The following CCDC82 variants were observed in gnomAD, a reference collection of about 807,000 sequenced individuals.
CCDC82 encodes the protein coiled-coil domain containing 82, also known as coiled-coil domain-containing protein 82.
Under a neutral mutation model 60.6 loss-of-function variants are expected in CCDC82, and 47 were observed. That is an observed-to-expected ratio of 0.77 (90% confidence interval 0.61 to 0.99). The LOEUF (loss-of-function observed/expected upper bound fraction) is 0.99, where lower values mean the gene tolerates loss of function less well. Ranked by LOEUF, CCDC82 falls within the 50% of genes least tolerant of loss-of-function variation. The pLI is 0.00. For missense variants in CCDC82, 588 were observed against 633.0 expected (o/e 0.93, Z 0.76); for synonymous variants, 212 against 207.4 (o/e 1.02, Z -0.19).
chr11:96,374,519 A>G (rs1391352695), intron 5 of CCDC82, among the ~76,000 whole-genome samples: 1 of 152,238 alleles, frequency 6.6e-6, no homozygotes. Flanking sequence ...AAAATAAATG[A>G]CAATAGCAGA....
chr11:96,365,263 A>G (rs1864888080), intron 7 of CCDC82, 113 bp from the exon 8 acceptor site: 4 of 619,800 alleles, frequency 6.5e-6, no homozygotes, highest in Non-Finnish European at 1.1e-5. Flanking sequence ...TATAAGAGCA[A>G]AACACCCTGG....
chr11:96,353,411 T>C lies in CCDC82; in HGVS notation c.*235A>G, dbSNP rs1037335411. On this transcript the variant is annotated 3_prime_UTR_variant, in exon 10 of 10. Coordinates refer to ENST00000646818, the MANE Select transcript of CCDC82 (RefSeq NM_024725.4). ...TTATAAAGCCATTATTATATAACTT[T>C]AAAATATATTTACAGACTTAAAAAT... 2 of 412,642 alleles carry C rather than the reference T, an allele frequency of 4.8e-6. No individual in the cohort carries two copies. The highest frequency in any genetic ancestry group is 4.1e-5 in the African/African-American group (2 of 48,684). 25.6% of individuals were successfully genotyped at this position (412,642 alleles called of 1,614,324 possible).
At chr11:96,387,155 A>G (rs1342864387) in intron 2 of CCDC82, 1 of 152,276 alleles carries the variant, frequency 6.6e-6, no homozygotes, top group Non-Finnish European at 1.5e-5. Flanking sequence ...AACATTTATG[A>G]AAACAATGAC....
At chr11:96,368,865 CAAA>C (rs71040144) in intron 7 of CCDC82, among the ~76,000 whole-genome samples, 1 of 142,300 alleles carries the variant, frequency 7.0e-6, no homozygotes, top group Non-Finnish European at 1.5e-5. Flanking sequence ...GACTCCGTCT[CAAA>C]AAAAAAAAAA....
chr11:96,373,860 G>C (rs949615755), intron 5 of CCDC82, among the ~76,000 whole-genome samples: 2 of 152,204 alleles, frequency 1.3e-5, no homozygotes, highest in Admixed American at 1.3e-4. Context: ...TCTGTAAAAC[G>C]CGTTACATAT....
At chr11:96,383,523 A>C in intron 4 of CCDC82, 50 bp from the exon 5 acceptor site, 1 of 1,157,784 alleles carries the variant, frequency 8.6e-7, no homozygotes. Flanking sequence ...TTAAAACGGT[A>C]AGCATCGATA....
intron 9 of CCDC82, chr11:96,354,650 G>T (rs1864254926): frequency 6.6e-6 from 1 of 152,180 alleles, no homozygotes; most frequent in African/African-American, 2.4e-5. Flanking sequence ...AGAACAAAGT[G>T]TAACAAGTTA....
Position 96,384,721 on chromosome 11 carries a change from T to C in CCDC82, c.27A>G (p.Thr9=). 1.2e-6 allele frequency: 2 copies of C among 1,607,946 alleles called. No individual in the cohort carries two copies. The highest frequency in any genetic ancestry group is 1.7e-6 in the Non-Finnish European group (2 of 1,177,928). Residue 9 remains threonine (T), a synonymous_variant, in exon 4 of 10, where the codon ACA becomes ACG. Transcript: ENST00000646818. MIHVRRHE[T]RRNSKSHVPE... ...GCACGTGACTCTTAGAATTTCTCCT[T>C]GTTTCATGTCTTCTAACATGTATCA...
At chr11:96,378,928 C>G (rs1276851883) in intron 5 of CCDC82, among the ~76,000 whole-genome samples, 1 of 151,966 alleles carries the variant, frequency 6.6e-6, no homozygotes, top group Non-Finnish European at 1.5e-5. Flanking sequence ...TCTCTCAGAG[C>G]CAAATGGCAG....
chr11:96,379,803 T>G (rs1865774482), intron 5 of CCDC82, among the ~76,000 whole-genome samples: 1 of 151,808 alleles, frequency 6.6e-6, no homozygotes. Context: ...AAAAACAAAT[T>G]AGGCTTTATG....
At chr11:96,374,804 C>T (rs1865481578) in intron 5 of CCDC82, among the ~76,000 whole-genome samples, 1 of 152,048 alleles carries the variant, frequency 6.6e-6, no homozygotes, top group South Asian at 2.1e-4. Context: ...ACATTTTAAA[C>T]ATCTCTGCCA....
At position 96,369,438 on chromosome 11, in the gene CCDC82, C is replaced by T. The variant is rs373825170; in HGVS notation, c.1209+1575G>A. Among the ~76,000 whole-genome samples, 15 of 152,216 alleles carry T rather than the reference C, an allele frequency of 9.9e-5. No individual in the cohort carries two copies. In the East Asian group the frequency reaches 1.2e-3, roughly 12 times the overall value. On this transcript the variant is annotated intron_variant, in intron 7 of 9. Coordinates refer to ENST00000646818, the MANE Select transcript of CCDC82 (RefSeq NM_024725.4). ...CCTGCAACTCTTCCTTTCACTTGAA[C>T]GATCAGAGGCCATTTTAGGGTTATT...
Position 96,370,914 on chromosome 11 carries a change from A to C in CCDC82, c.1209+99T>G, listed in dbSNP as rs7117427. The C allele has an allele frequency of 4.2e-3, 4,412 of 1,039,592 alleles. 131 individuals are homozygous for C. The African/African-American group carries it at 0.063, about 15-fold the overall frequency. The allele number at this position is 1,039,592 out of a possible 1,614,324, so 64.4% of individuals were successfully genotyped here. On this transcript the variant is annotated intron_variant, in intron 7 of 9. Coordinates refer to ENST00000646818, the MANE Select transcript of CCDC82 (RefSeq NM_024725.4). ...AATAAGCTGATTATTTAACAAAGAC[A>C]TGCCAATATTTTAGAAGATTATTCA...
At chr11:96,367,579 A>T (rs766550035) in intron 7 of CCDC82, among the ~76,000 whole-genome samples, 2 of 152,134 alleles carry the variant, frequency 1.3e-5, no homozygotes, top group African/African-American at 2.4e-5. Context: ...TATTTCAACC[A>T]TATCTGTAGT....
At chr11:96,371,321 G>A (rs1189707922) in intron 6 of CCDC82, among the ~76,000 whole-genome samples, 184 bp from the exon 7 acceptor site, 3 of 152,196 alleles carry the variant, frequency 2.0e-5, no homozygotes, top group African/African-American at 2.4e-5. Context: ...GGTGCCTCAT[G>A]CCTGTAATCC....
rs1228992152 is a variant in CCDC82 at position 96,382,003 on chromosome 11, T to C, written c.991+1266A>G. On this transcript the variant is annotated intron_variant, in intron 5 of 9. Coordinates refer to ENST00000646818, the MANE Select transcript of CCDC82 (RefSeq NM_024725.4). ...CCACTTTCACTTAAGAATGTCCTCG[T>C]TGAAGCAGTAAAACTATTAACTGTA... is the stretch of plus-strand genomic sequence containing the variant. 2.6e-5 allele frequency: 4 copies of C among 151,838 alleles called. No homozygotes were observed. In the East Asian group the frequency reaches 5.8e-4, roughly 22 times the overall value. 9.4% of individuals were successfully genotyped at this position (151,838 alleles called of 1,614,324 possible).
rs1202566746 is a variant in CCDC82, at chr11:96,371,157, C to T, written c.1085-20G>A. On this transcript the variant is annotated intron_variant, in intron 6 of 9. Transcript: ENST00000646818. ...TGCCATCTGTTCAGGGGATAAACAA[C>T]AAAAAAAATCATTTTGTTAATTAGA... is the stretch of plus-strand genomic sequence containing the variant. 2.8e-6 allele frequency: 4 copies of T among 1,448,396 alleles called. No homozygotes were observed. In the African/African-American group the frequency reaches 4.4e-5, roughly 16 times the overall value. 89.7% of individuals were successfully genotyped at this position (1,448,396 alleles called of 1,614,324 possible). A position where few individuals can be genotyped will look rare whatever the true frequency, so the allele number is the denominator to read the frequency against.
At chr11:96,360,451 TC>T (rs557811682) in intron 8 of CCDC82, among the ~76,000 whole-genome samples, 1 of 151,964 alleles carries the variant, frequency 6.6e-6, no homozygotes, top group South Asian at 2.1e-4. Flanking sequence ...CACCTCGGCC[TC>T]CCAAAGTGCT....
At position 96,373,478 on chromosome 11, in the gene CCDC82, T is replaced by C; in HGVS notation, c.992-11A>G. The C allele has an allele frequency of 1.3e-6, 2 of 1,513,560 alleles. No homozygotes were observed. The highest frequency in any genetic ancestry group is 1.8e-6 in the Non-Finnish European group (2 of 1,095,514). 93.8% of individuals were successfully genotyped at this position (1,513,560 alleles called of 1,614,324 possible). ...GGTCACTAAAAGAATCTGAAATTAA[T>C]TTCAAATAAATATTAGAACAGAGCA... is the stretch of plus-strand genomic sequence containing the variant. On this transcript the variant is annotated splice_polypyrimidine_tract_variant and intron_variant, in intron 5 of 9. Transcript: ENST00000646818.
Sources: allele counts gnomAD v4.1 joint callset (sites outside exome capture counted in the v4.1 genomes callset), GRCh38; gene constraint gnomAD v4.1.1; transcripts MANE v1.5; gene names NCBI Gene and HGNC (gene_info 2026-07-23, HGNC 2026-07-21).